Variants in EEA1 observed in about 807,000 individuals in gnomAD.
The protein encoded by EEA1 is early endosome antigen 1, also known as early endosome antigen 1, 162kD.
EEA1 carries 111 observed loss-of-function variants against 209.2 expected under a neutral mutation model. The observed-to-expected ratio is 0.53, with a 90% CI of 0.45 to 0.62. EEA1 has a LOEUF of 0.62. EEA1 is among the 20% of genes least tolerant of loss of function. The probability of loss-of-function intolerance (pLI) is 0.00; values close to 1 mark genes in which losing one functional copy is unlikely to be tolerated. For synonymous variants in EEA1, 536 were observed against 540.6 expected (o/e 0.99, Z 0.12); for missense variants, 1,343 against 1,530.8 (o/e 0.88, Z 2.05).
intron 12 of EEA1, 130 bp downstream of exon 12, chr12:92,827,782 T>C (rs1876387802): frequency 1.1e-6 from 1 of 905,772 alleles, no homozygotes; most frequent in Non-Finnish European, 1.6e-6. Flanking sequence ...AAGCAAGATG[T>C]TGCTATTGGA....
chr12:92,825,002 A>C (rs1330759080), intron 13 of EEA1, among the ~76,000 whole-genome samples: 1 of 152,200 alleles, frequency 6.6e-6, no homozygotes, highest in African/African-American at 2.4e-5. Flanking sequence ...CTCAGAAGAG[A>C]AGGGCATATT....
At chr12:92,827,087 G>A (rs938550791) in intron 12 of EEA1, among the ~76,000 whole-genome samples, 2 of 152,260 alleles carry the variant, frequency 1.3e-5, no homozygotes, top group East Asian at 3.9e-4. Context: ...CAGTTGTGGT[G>A]GCTCACACCC....
In EEA1 at chr12:92,924,059, G is replaced by A. The variant is rs183457661; in HGVS notation, c.24+4984C>T. Among the ~76,000 whole-genome samples the A allele has an allele frequency of 2.6e-3, 395 of 152,134 alleles. 3 individuals carry two copies. Among genetic ancestry groups the A allele is most frequent in the African/African-American group, 8.8e-3 (364 of 41,482 alleles). ...CCAGGAGGCAGGGGCTGCAGTGAAC[G>A]TGACGGTGTCACTGTGTCACTGCAC... On this transcript the variant is annotated intron_variant, in intron 1 of 28. Transcript: ENST00000322349.
chr12:92,817,369 T>C (rs1875843051), intron 14 of EEA1, among the ~76,000 whole-genome samples: 1 of 152,104 alleles, frequency 6.6e-6, no homozygotes, highest in Non-Finnish European at 1.5e-5. Context: ...ATTTTTTTTT[T>C]ACCATTTCTG....
chr12:92,866,253 T>A (rs570578376), intron 2 of EEA1, among the ~76,000 whole-genome samples: 3 of 150,170 alleles, frequency 2.0e-5, no homozygotes, highest in South Asian at 2.1e-4. Flanking sequence ...AAGATTTTTT[T>A]AAAATAGTAA....
intron 21 of EEA1, among the ~76,000 whole-genome samples, chr12:92,792,072 C>T (rs943057366): frequency 3.9e-5 from 6 of 152,040 alleles, no homozygotes; most frequent in Admixed American, 2.0e-4. Flanking sequence ...TCTTTGAAAC[C>T]AATGAGAACA....
intron 1 of EEA1, among the ~76,000 whole-genome samples, chr12:92,902,772 G>A (rs1192982469): frequency 6.7e-6 from 1 of 148,568 alleles, no homozygotes; most frequent in South Asian, 2.1e-4. Context: ...TGTAAATCCT[G>A]CCACACACTG....
intron 27 of EEA1, among the ~76,000 whole-genome samples, chr12:92,777,263 T>C (rs1873697080): frequency 6.6e-6 from 1 of 151,924 alleles, no homozygotes; most frequent in Admixed American, 6.6e-5. Context: ...CTTTAACACA[T>C]ACTGACTCAT....
At chr12:92,897,085 A>G (rs1227419555) in intron 1 of EEA1, among the ~76,000 whole-genome samples, 4 of 152,118 alleles carry the variant, frequency 2.6e-5, no homozygotes, top group Non-Finnish European at 5.9e-5. Context: ...GCAGGAGAAT[A>G]GGGTCTGGAG....
chr12:92,780,222 T>C, intron 24 of EEA1, 58 bp downstream of exon 24: 1 of 1,521,468 alleles, frequency 6.6e-7, no homozygotes, highest in Middle Eastern at 1.8e-4. Context: ...TGGGTATATA[T>C]ATTTCTTTAA....
At chr12:92,814,609 G>A (rs950088672) in intron 15 of EEA1, among the ~76,000 whole-genome samples, 1 of 151,364 alleles carries the variant, frequency 6.6e-6, no homozygotes, top group Non-Finnish European at 1.5e-5. Flanking sequence ...TGGGGGGCGG[G>A]GGGGGAAATG....
Position 92,776,048 on chromosome 12 carries a change from C to T in EEA1, c.4199G>A (p.Arg1400His), listed in dbSNP as rs1484364584. 2.5e-6 allele frequency: 4 copies of T among 1,611,402 alleles called. No individual in the cohort carries two copies. Among genetic ancestry groups the T allele is most frequent in the Middle Eastern group, 1.7e-4 (1 of 6,048 alleles). The change falls in exon 29 of 29, where the codon CGT (arginine) becomes CAT (histidine). Residue 1400 changes from arginine (R) to histidine (H), a missense_variant. By Grantham distance (29) the Arg-to-His change is conservative (BLOSUM62 0). Coordinates refer to ENST00000322349, the MANE Select transcript of EEA1 (RefSeq NM_003566.4). ...GTCATTGAAACATGCATCACAGACA[C>T]GAACAGGCTTCTTGGAGGAAGGAGT... Reference protein sequence around the residue: ...ALTPSSKKPVRVCDACFNDLQ... With the variant: ...ALTPSSKKPVHVCDACFNDLQ...
intron 1 of EEA1, among the ~76,000 whole-genome samples, chr12:92,902,694 T>C (rs975498412): frequency 6.7e-6 from 1 of 149,146 alleles, no homozygotes; most frequent in Non-Finnish European, 1.5e-5. Context: ...TGAGTCAAGA[T>C]TGTGCCACTG....
At chr12:92,859,547 C>T (rs560242154) in intron 3 of EEA1, among the ~76,000 whole-genome samples, 43 of 151,800 alleles carry the variant, frequency 2.8e-4, no homozygotes, top group Non-Finnish European at 4.7e-4. Flanking sequence ...AAATAATCTT[C>T]GGTGTTTTGT....
intron 13 of EEA1, among the ~76,000 whole-genome samples, chr12:92,824,972 C>G (rs1876225624): frequency 6.6e-6 from 1 of 152,194 alleles, no homozygotes; most frequent in South Asian, 2.1e-4. Flanking sequence ...ATCCATCTGA[C>G]TCCCATGCCA....
At chr12:92,810,264 A>G (rs1875425240) in intron 17 of EEA1, among the ~76,000 whole-genome samples, 2 of 152,166 alleles carry the variant, frequency 1.3e-5, no homozygotes, top group African/African-American at 4.8e-5. Context: ...ATGTCTATAT[A>G]AAAAATATGA....
At chr12:92,904,273 A>T (rs561943440) in intron 1 of EEA1, among the ~76,000 whole-genome samples, 41 of 152,198 alleles carry the variant, frequency 2.7e-4, no homozygotes, top group Non-Finnish European at 5.1e-4. Flanking sequence ...AAGTTTTCCG[A>T]TTTTTAAAAA....
chr12:92,858,539 T>C (rs1336344237), intron 3 of EEA1: 4 of 782,808 alleles, frequency 5.1e-6, no homozygotes, highest in African/African-American at 1.7e-5. Flanking sequence ...TGTAGGCCTT[T>C]AACCATTGTC....
chr12:92,779,236 T>C lies in EEA1; in HGVS notation c.3533A>G (p.Lys1178Arg), dbSNP rs776627608. Residue 1178 changes from lysine to arginine, a missense_variant, in exon 25 of 29, where the codon AAA becomes AGA. By Grantham distance (26) the Lys-to-Arg change is conservative. This residue lies in a region of EEA1 where 1,307 missense variants were observed against 1,465.5 expected (regional missense o/e 0.89). Coordinates refer to ENST00000322349, the MANE Select transcript of EEA1 (RefSeq NM_003566.4). ...AACAGCTGCCTTCAGGGAGTCCGCTTTTCCTTGAAGTTCTAATTTCTGCTG... is the reference window on the plus strand; with the variant it reads ...AACAGCTGCCTTCAGGGAGTCCGCTCTTCCTTGAAGTTCTAATTTCTGCTG... ...LIQQKLELQG[K>R]ADSLKAAVEQ... 1.2e-6 allele frequency: 2 copies of C among 1,610,086 alleles called. No homozygotes were observed. The highest frequency in any genetic ancestry group is 2.7e-5 in the African/African-American group (2 of 74,608).
Sources: gnomAD v4.1 joint callset for allele counts (sites outside exome capture counted in the v4.1 genomes callset) on GRCh38, gnomAD v4.1.1 for gene constraint, gnomAD v4.1.1 regional missense constraint, MANE v1.5 for transcripts, NCBI Gene and HGNC (gene_info 2026-07-23, HGNC 2026-07-21) for gene names.